The following PPM1D variants were observed in gnomAD, a reference collection of about 807,000 sequenced individuals.
PPM1D encodes the protein protein phosphatase 1D.
In PPM1D, 52 loss-of-function variants were observed where a neutral mutation model predicts 58.3. The ratio of observed to expected loss-of-function variants is 0.89; its 90% CI spans 0.71 to 1.12. The LOEUF is 1.12. Among genes scored for constraint, PPM1D ranks in the 50% most tolerant of loss-of-function variants. The pLI is 0.00. For synonymous variants in PPM1D, 278 were observed against 285.1 expected (o/e 0.98, Z 0.25); for missense variants, 564 against 777.2 (o/e 0.73, Z 3.26).
chr17:60,647,499 A>C (rs1408487140), intron 3 of PPM1D, among the ~76,000 whole-genome samples: 1 of 152,148 alleles, frequency 6.6e-6, no homozygotes, highest in Non-Finnish European at 1.5e-5. Context: ...AATTATCTGC[A>C]AATAATATTA....
At chr17:60,604,722 A>G (rs370334836) in intron 1 of PPM1D, 1 of 152,170 alleles carries the variant, frequency 6.6e-6, no homozygotes, top group African/African-American at 2.4e-5. Flanking sequence ...GAGCCTGTGC[A>G]CTCAGCCTGG....
At chr17:60,656,326 G>A (rs949014094) in intron 4 of PPM1D, among the ~76,000 whole-genome samples, 9 of 151,384 alleles carry the variant, frequency 5.9e-5, no homozygotes, top group African/African-American at 9.7e-5. Context: ...GGTGGCGGGC[G>A]CCTGTAGTCC....
At chr17:60,628,248 C>T (rs1299338276) in intron 2 of PPM1D, among the ~76,000 whole-genome samples, 2 of 152,128 alleles carry the variant, frequency 1.3e-5, no homozygotes, top group Non-Finnish European at 2.9e-5. Flanking sequence ...AAGTGGGAAG[C>T]ACAGAATTCT....
At chr17:60,635,023 C>T (rs898482704) in intron 3 of PPM1D, among the ~76,000 whole-genome samples, 6 of 151,978 alleles carry the variant, frequency 3.9e-5, no homozygotes, top group African/African-American at 1.5e-4. Flanking sequence ...CCTCCTATCT[C>T]GGTCTCCCAA....
intron 4 of PPM1D, among the ~76,000 whole-genome samples, chr17:60,655,929 C>T (rs1016331406): frequency 6.6e-6 from 1 of 151,380 alleles, no homozygotes; most frequent in East Asian, 2.0e-4. Flanking sequence ...TCTCGATCTC[C>T]TGACCTCATG....
At chr17:60,651,398 T>C (rs1018642228) in intron 4 of PPM1D, among the ~76,000 whole-genome samples, 35 of 151,692 alleles carry the variant, frequency 2.3e-4, no homozygotes, top group African/African-American at 8.5e-4. Flanking sequence ...AACAGTGTTT[T>C]TGGTTTTTTT....
chr17:60,664,454 TAATA>T lies in PPM1D; in HGVS notation c.*906_*909del, dbSNP rs375746720. On this transcript the variant is annotated 3_prime_UTR_variant, in exon 6 of 6. Transcript: ENST00000305921. ...TTGATTATATGGGTATATATTCATC[TAATA>T]AATCAGTGAACTGTTCCTCATGTTG... The T allele has an allele frequency of 6.0e-4, 91 of 152,796 alleles. No homozygotes were observed. The highest frequency in any genetic ancestry group is 1.6e-3 in the Admixed American group (24 of 15,296). The allele number at this position is 152,796 out of a possible 1,614,324, so 9.5% of individuals were successfully genotyped here.
At chr17:60,659,009 A>C (rs1456137438) in intron 5 of PPM1D, among the ~76,000 whole-genome samples, 1 of 152,164 alleles carries the variant, frequency 6.6e-6, no homozygotes, top group Admixed American at 6.5e-5. Context: ...ATACTACTAA[A>C]GTAAAGATAA....
chr17:60,613,892 C>G (rs868425278), intron 1 of PPM1D, among the ~76,000 whole-genome samples: 4 of 123,998 alleles, frequency 3.2e-5, no homozygotes, highest in Admixed American at 7.3e-5. Flanking sequence ...TACCTGAGGC[C>G]CCCCCCCCGC....
At chr17:60,647,120 A>G (rs765876346) in intron 3 of PPM1D, among the ~76,000 whole-genome samples, 2 of 152,172 alleles carry the variant, frequency 1.3e-5, no homozygotes, top group African/African-American at 4.8e-5. Context: ...TTCTACAACA[A>G]TCCTTTTGGG....
chr17:60,654,644 C>T (rs2031401747), intron 4 of PPM1D, among the ~76,000 whole-genome samples: 1 of 151,408 alleles, frequency 6.6e-6, no homozygotes, highest in African/African-American at 2.4e-5. Flanking sequence ...GGCAGATCAC[C>T]TAAGATTAGG....
intron 3 of PPM1D, among the ~76,000 whole-genome samples, chr17:60,644,872 A>G (rs900617407): frequency 1.3e-5 from 2 of 152,222 alleles, no homozygotes; most frequent in Non-Finnish European, 2.9e-5. Flanking sequence ...CAAGAAAACC[A>G]TGAAATACTT....
intron 3 of PPM1D, among the ~76,000 whole-genome samples, chr17:60,647,298 C>CTATA (rs1206752040): frequency 6.6e-6 from 1 of 151,838 alleles, no homozygotes; most frequent in Admixed American, 6.6e-5. Flanking sequence ...GCATGTATAC[C>CTATA]GTTTGTTAAA....
intron 2 of PPM1D, 21 bp downstream of exon 2, chr17:60,623,770 C>T: frequency 6.2e-7 from 1 of 1,608,572 alleles, no homozygotes; most frequent in South Asian, 1.1e-5. Flanking sequence ...GTCGTTTTCT[C>T]TTTCCTCTTT....
intron 3 of PPM1D, among the ~76,000 whole-genome samples, chr17:60,646,888 G>T (rs2031259666): frequency 6.6e-6 from 1 of 152,144 alleles, no homozygotes; most frequent in South Asian, 2.1e-4. Context: ...TCATATGGTT[G>T]GTAAAGAGCA....
intron 1 of PPM1D, among the ~76,000 whole-genome samples, chr17:60,613,561 C>T (rs1378200528): frequency 1.3e-5 from 2 of 152,246 alleles, no homozygotes; most frequent in Non-Finnish European, 2.9e-5. Flanking sequence ...GAGCCCCTCC[C>T]TGGGCTGGCC....
chr17:60,649,172 C>T (rs1180603285), intron 4 of PPM1D, among the ~76,000 whole-genome samples: 3 of 152,070 alleles, frequency 2.0e-5, no homozygotes, highest in African/African-American at 7.2e-5. Context: ...GTCCTCTCAC[C>T]TCAGCCTCCT....
chr17:60,638,318 TAAA>T (rs2031065485), intron 3 of PPM1D, among the ~76,000 whole-genome samples: 1 of 152,174 alleles, frequency 6.6e-6, no homozygotes, highest in Non-Finnish European at 1.5e-5. Context: ...ATATTTAAGC[TAAA>T]AAGGCTTTGC....
At chr17:60,645,767 G>A (rs2031241077) in intron 3 of PPM1D, among the ~76,000 whole-genome samples, 1 of 150,532 alleles carries the variant, frequency 6.6e-6, no homozygotes, top group Non-Finnish European at 1.5e-5. Flanking sequence ...GAAGGGCAGT[G>A]GTGAGAAGGG....
Sources: gnomAD v4.1 joint callset for allele counts (sites outside exome capture counted in the v4.1 genomes callset) on GRCh38, gnomAD v4.1.1 for gene constraint, MANE v1.5 for transcripts, NCBI Gene and HGNC (gene_info 2026-07-23, HGNC 2026-07-21) for gene names.